The following STON1 variants were observed in gnomAD, a reference collection of about 807,000 sequenced individuals.
STON1 encodes the protein stonin-1.
In STON1, 79 loss-of-function variants were observed where a neutral mutation model predicts 60.9. The ratio of observed to expected loss-of-function variants is 1.30; its 90% CI spans 1.08 to 1.56. The LOEUF is 1.56. STON1 is among the 40% of genes most tolerant of loss of function. The probability of loss-of-function intolerance (pLI) is 0.00; values close to 1 mark genes in which losing one functional copy is unlikely to be tolerated. For synonymous variants in STON1, 363 were observed against 306.9 expected, an observed-to-expected ratio of 1.18 and a Z score of -1.91; for missense variants, 1,166 against 858.9, an observed-to-expected ratio of 1.36 and a Z score of -4.47.
intron 2 of STON1, among the ~76,000 whole-genome samples, chr2:48,586,041 G>T (rs1674188789): frequency 6.6e-6 from 1 of 152,256 alleles, no homozygotes; most frequent in Non-Finnish European, 1.5e-5. Context: ...TAGAGCAGGT[G>T]CTCCGGGAGG....
chr2:48,590,695 C>T (rs918790458), intron 2 of STON1, among the ~76,000 whole-genome samples: 3 of 141,732 alleles, frequency 2.1e-5, no homozygotes, highest in African/African-American at 8.0e-5. Flanking sequence ...TGAAATATAT[C>T]CAGTATCTCT....
At chr2:48,592,667 GC>G (rs1674591223) in intron 3 of STON1, among the ~76,000 whole-genome samples, 1 of 150,852 alleles carries the variant, frequency 6.6e-6, no homozygotes, top group Non-Finnish European at 1.5e-5. Context: ...TGCCATGTTG[GC>G]CAGGCTGGTC....
intron 1 of STON1, among the ~76,000 whole-genome samples, chr2:48,578,003 C>T (rs556887446): frequency 6.7e-5 from 10 of 150,020 alleles, no homozygotes; most frequent in South Asian, 2.1e-4. Flanking sequence ...TTTTTTGAGA[C>T]GGAGTTTTGC....
chr2:48,575,858 A>C (rs1180879287), intron 1 of STON1, among the ~76,000 whole-genome samples: 4 of 147,338 alleles, frequency 2.7e-5, no homozygotes, highest in African/African-American at 1.0e-4. Flanking sequence ...TCCTGGGTTC[A>C]AGCAATTCTC....
chr2:48,580,241 C>G (rs1197367439), intron 1 of STON1, among the ~76,000 whole-genome samples: 1 of 152,072 alleles, frequency 6.6e-6, no homozygotes, highest in Non-Finnish European at 1.5e-5. Flanking sequence ...TTGCGTCTTC[C>G]TAGTGAATTG....
rs144106479 is a variant in STON1 at position 48,586,273 on chromosome 2, C to G, written c.1930+3710C>G. Among the ~76,000 whole-genome samples, 668 of 152,264 alleles carry G rather than the reference C, an allele frequency of 4.4e-3. 10 individuals carry two copies. Among genetic ancestry groups the G allele is most frequent in the African/African-American group, 0.015 (640 of 41,540 alleles). ...GAATTTATTGAGAAGGAGTCTCACTCATTTACTCCACAAACATCTACTAAA... is the reference window on the plus strand; with the variant it reads ...GAATTTATTGAGAAGGAGTCTCACTGATTTACTCCACAAACATCTACTAAA... On this transcript the variant is annotated intron_variant, in intron 2 of 3. Transcript: ENST00000404752.
At position 48,564,572 on chromosome 2, in the gene STON1, T is replaced by C. The variant is rs57382607; in HGVS notation, c.-47-16015T>C. 3.1e-3 allele frequency among the ~76,000 whole-genome samples: 169 copies of C among 53,960 alleles called. 16 individuals carry two copies. Among genetic ancestry groups the C allele is most frequent in the African/African-American group, 0.01 (132 of 12,744 alleles). The allele number at this position is 53,960 out of a possible 152,430, so 35.4% of individuals were successfully genotyped here. ...TTCTTCTTCTTCTTCTTCTTCTCCT[T>C]CTCCTTCTCCTCCTCCTCCTCCTCC... On this transcript the variant is annotated intron_variant, in intron 1 of 3. Transcript: ENST00000404752.
rs529213056 is a variant in STON1, at chr2:48,578,955, A to G, written c.-47-1632A>G. Among the ~76,000 whole-genome samples, 11 of 151,694 alleles carry G rather than the reference A, an allele frequency of 7.3e-5. No individual in the cohort carries two copies. The East Asian group carries it at 1.7e-3, about 24-fold the overall frequency. Reference sequence around the variant, plus strand: ...TTAGACATCTCTGGTATAAGATTACAGTTTAGTTTCACTCTTTTGCATGTG... The same window carrying G: ...TTAGACATCTCTGGTATAAGATTACGGTTTAGTTTCACTCTTTTGCATGTG... On this transcript the variant is annotated intron_variant, in intron 1 of 3. Coordinates refer to ENST00000404752, the MANE Select transcript of STON1 (RefSeq NM_006873.4).
intron 1 of STON1, among the ~76,000 whole-genome samples, chr2:48,533,296 C>T (rs1671288887): frequency 6.6e-6 from 1 of 151,276 alleles, no homozygotes; most frequent in South Asian, 2.1e-4. Flanking sequence ...GCAGGAGAAT[C>T]ACTTGAACCT....
intron 1 of STON1, among the ~76,000 whole-genome samples, chr2:48,536,098 C>A (rs537498618): frequency 1.6e-4 from 24 of 150,912 alleles, no homozygotes; most frequent in South Asian, 4.2e-4. Flanking sequence ...AAAAATAAAT[C>A]AAAAAACCTA....
Position 48,564,896 on chromosome 2 carries a change from C to T in STON1, c.-47-15691C>T, listed in dbSNP as rs547525300. 1.0e-3 allele frequency among the ~76,000 whole-genome samples: 150 copies of T among 149,986 alleles called. 1 individual carries two copies. The highest frequency in any genetic ancestry group is 3.4e-3 in the African/African-American group (140 of 40,776). On this transcript the variant is annotated intron_variant, in intron 1 of 3. Transcript: ENST00000404752. ...TACAGGCGTGCACCACCACGCCCGG[C>T]TAATTTTTGTATTTTTAGTAGAGAC...
chr2:48,564,599 C>CCTT (rs1553359421), intron 1 of STON1, among the ~76,000 whole-genome samples: 2 of 43,878 alleles, frequency 4.6e-5, no homozygotes, highest in African/African-American at 7.9e-5. Context: ...TCCTCCTCCT[C>CCTT]CTCCTTCTCC....
Position 48,595,259 on chromosome 2 carries a change from A to T in STON1, c.2165A>T (p.Asp722Val), listed in dbSNP as rs768853603. 8.1e-6 allele frequency: 13 copies of T among 1,613,854 alleles called. No individual in the cohort carries two copies. The highest frequency in any genetic ancestry group is 1.6e-4 in the Middle Eastern group (1 of 6,084). Residue 722 changes from aspartate to valine, a missense_variant, in exon 4 of 4, where the codon GAT (aspartate) becomes GTT (valine). Transcript: ENST00000404752. ...ATAGAAAAGAAGTGGATTAAAATCG[A>T]TGGAGAAGACCCAGATAAAATTGGT... is the stretch of plus-strand genomic sequence containing the variant. ...VEIEKKWIKI[D>V]GEDPDKIGDC...
At chr2:48,539,923 G>C (rs1486241064) in intron 1 of STON1, among the ~76,000 whole-genome samples, 1 of 152,126 alleles carries the variant, frequency 6.6e-6, no homozygotes, top group African/African-American at 2.4e-5. Context: ...ATATGGAGCA[G>C]CTTTTTATGA....
chr2:48,583,677 G>T (rs1459405417), intron 2 of STON1, among the ~76,000 whole-genome samples: 1 of 150,996 alleles, frequency 6.6e-6, no homozygotes, highest in East Asian at 1.9e-4. Flanking sequence ...TTAAATTGGA[G>T]GTGGGGTTGG....
intron 3 of STON1, among the ~76,000 whole-genome samples, chr2:48,592,534 C>T (rs1472437437): frequency 2.7e-5 from 4 of 150,792 alleles, no homozygotes; most frequent in East Asian, 3.9e-4. Flanking sequence ...TGGGTCCAAG[C>T]GATTCTCCTG....
rs549227659 is a variant in STON1 at position 48,596,002 on chromosome 2, A to G, written c.*700A>G. ...ATATTTTAGTATAAATCACTAAGAC[A>G]TATTTCCTTTCACTTGGCAGGATTC... On this transcript the variant is annotated 3_prime_UTR_variant, in exon 4 of 4. Coordinates refer to ENST00000404752, the MANE Select transcript of STON1 (RefSeq NM_006873.4). 6 of 152,358 alleles carry G rather than the reference A, an allele frequency of 3.9e-5. No homozygotes were observed. The highest frequency in any genetic ancestry group is 4.1e-4 in the South Asian group (2 of 4,834). The allele number at this position is 152,358 out of a possible 1,614,324, so 9.4% of individuals were successfully genotyped here.
At chr2:48,542,256 G>C (rs1671685487) in intron 1 of STON1, among the ~76,000 whole-genome samples, 1 of 152,194 alleles carries the variant, frequency 6.6e-6, no homozygotes, top group African/African-American at 2.4e-5. Context: ...TTTCCCCATA[G>C]TCATTGGCCT....
intron 1 of STON1, among the ~76,000 whole-genome samples, chr2:48,537,263 C>G (rs1671466381): frequency 1.3e-5 from 2 of 152,102 alleles, no homozygotes; most frequent in African/African-American, 4.8e-5. Flanking sequence ...AGTAGATAGT[C>G]TTTATTAAAC....
Sources: allele counts gnomAD v4.1 joint callset (sites outside exome capture counted in the v4.1 genomes callset), GRCh38; gene constraint gnomAD v4.1.1; transcripts MANE v1.5; gene names NCBI Gene and HGNC (gene_info 2026-07-23, HGNC 2026-07-21).